The following OPCML variants were observed in gnomAD, a reference collection of about 807,000 sequenced individuals.
The protein encoded by OPCML is opioid binding protein/cell adhesion molecule like.
In OPCML, 13 loss-of-function variants were observed where a neutral mutation model predicts 37.8. The observed-to-expected ratio is 0.34, with a 90% CI of 0.22 to 0.55. OPCML has a LOEUF of 0.55. Ranked by LOEUF, OPCML falls within the 20% of genes least tolerant of loss-of-function variation. The pLI, the probability that OPCML is intolerant of heterozygous loss-of-function variation, is 0.91. For missense variants in OPCML, 341 were observed against 435.6 expected (o/e 0.78, Z 1.93); for synonymous variants, 176 against 168.8 (o/e 1.04, Z -0.33).
At chr11:133,443,512 G>T (rs1001284671) in intron 1 of OPCML, among the ~76,000 whole-genome samples, 10 of 152,162 alleles carry the variant, frequency 6.6e-5, no homozygotes, top group Admixed American at 5.2e-4. Context: ...TGAAACATGC[G>T]CAGCATTGCT....
intron 2 of OPCML, among the ~76,000 whole-genome samples, chr11:132,872,785 C>T (rs1167680772): frequency 1.3e-5 from 2 of 152,078 alleles, no homozygotes; most frequent in African/African-American, 2.4e-5. Flanking sequence ...AGAGGGCTCC[C>T]CATTCCTGAT....
At chr11:133,162,009 T>TTTTTTTTTTTTTA (rs1950149107) in intron 1 of OPCML, among the ~76,000 whole-genome samples, 1 of 148,836 alleles carries the variant, frequency 6.7e-6, no homozygotes, top group Non-Finnish European at 1.5e-5. Flanking sequence ...TTTTTTTTTT[T>TTTTTTTTTTTTTA]TGTATAAAAT....
intron 7 of OPCML, among the ~76,000 whole-genome samples, chr11:132,421,941 AGTTT>A (rs1422076363): frequency 1.3e-4 from 20 of 152,274 alleles, no homozygotes; most frequent in African/African-American, 4.8e-4. Context: ...TTTTTAAATA[AGTTT>A]ATTTACATTT....
intron 2 of OPCML, among the ~76,000 whole-genome samples, chr11:132,723,450 T>C (rs1944752577): frequency 1.3e-5 from 2 of 152,250 alleles, no homozygotes; most frequent in African/African-American, 4.8e-5. Flanking sequence ...AACCCCACAA[T>C]ATATACCTGC....
chr11:133,180,465 A>C (rs1937770619), intron 1 of OPCML, among the ~76,000 whole-genome samples: 1 of 152,182 alleles, frequency 6.6e-6, no homozygotes, highest in African/African-American at 2.4e-5. Flanking sequence ...ATATGGTTCA[A>C]ATCATAGCAA....
chr11:132,740,001 C>A (rs1472900053), intron 2 of OPCML, among the ~76,000 whole-genome samples: 1 of 152,076 alleles, frequency 6.6e-6, no homozygotes, highest in East Asian at 1.9e-4. Context: ...TCTGTTTCCC[C>A]CACCCTGTGC....
chr11:133,494,820 A>G (rs549095310), intron 1 of OPCML, among the ~76,000 whole-genome samples: 4,815 of 149,126 alleles, frequency 0.032, 114 homozygotes, highest in South Asian at 0.078. Flanking sequence ...ATGTATACAT[A>G]TGTAACTAAC....
intron 2 of OPCML, among the ~76,000 whole-genome samples, chr11:132,724,317 A>C (rs570874166): frequency 3.3e-4 from 50 of 152,316 alleles, no homozygotes; most frequent in African/African-American, 1.2e-3. Flanking sequence ...GTATAATGGA[A>C]ATGAGACAAA....
At chr11:132,789,177 A>G (rs1937728125) in intron 2 of OPCML, among the ~76,000 whole-genome samples, 1 of 152,170 alleles carries the variant, frequency 6.6e-6, no homozygotes, top group Non-Finnish European at 1.5e-5. Context: ...CATGTTTATT[A>G]TACGTTGACT....
intron 1 of OPCML, among the ~76,000 whole-genome samples, chr11:133,463,794 A>C (rs1178667525): frequency 6.6e-6 from 1 of 152,214 alleles, no homozygotes; most frequent in South Asian, 2.1e-4. Flanking sequence ...TTAAAAAATT[A>C]AATGATCAAA....
At chr11:133,149,427 C>T (rs915287124) in intron 1 of OPCML, among the ~76,000 whole-genome samples, 2 of 152,092 alleles carry the variant, frequency 1.3e-5, no homozygotes, top group African/African-American at 4.8e-5. Flanking sequence ...AAGGAGAGGC[C>T]CCAGGCAACT....
intron 1 of OPCML, among the ~76,000 whole-genome samples, chr11:133,128,483 G>A (rs1371841551): frequency 3.3e-5 from 5 of 152,166 alleles, no homozygotes; most frequent in Non-Finnish European, 5.9e-5. Context: ...CACTCCCTGA[G>A]CCAAGTTCTC....
chr11:132,452,497 A>ACTTCCTTCCTTCCTTCCTTCCTTCCTTC (rs575180796), intron 4 of OPCML, among the ~76,000 whole-genome samples: 5 of 96,730 alleles, frequency 5.2e-5, no homozygotes, highest in African/African-American at 1.7e-4. Flanking sequence ...TCCCTTCCTC[A>ACTTCCTTCCTTCCTTCCTTCCTTCCTTC]CTTCCTTCCT....
rs377335763 is a variant in OPCML at position 132,882,225 on chromosome 11, G to A, written c.146+60701C>T. ...TTTAAAATGCCAACTTGATCCAAGT[G>A]TAAACAAAAAATGAACCTCGTGGAT... On this transcript the variant is annotated intron_variant, in intron 2 of 7. Transcript: ENST00000524381. Among the ~76,000 whole-genome samples the A allele has an allele frequency of 5.9e-5, 9 of 152,284 alleles. No homozygotes were observed. In the South Asian group the frequency reaches 1.0e-3, roughly 18 times the overall value.
chr11:133,232,341 C>G (rs1940316566), intron 1 of OPCML, among the ~76,000 whole-genome samples: 1 of 152,214 alleles, frequency 6.6e-6, no homozygotes, highest in African/African-American at 2.4e-5. Flanking sequence ...TCCTGAATTA[C>G]TCTGAGTTTC....
intron 3 of OPCML, among the ~76,000 whole-genome samples, chr11:132,642,148 G>A (rs1940886507): frequency 6.6e-6 from 1 of 152,140 alleles, no homozygotes; most frequent in African/African-American, 2.4e-5. Context: ...CTATTTCCTG[G>A]CATAAGTAAT....
At chr11:133,317,091 A>G (rs1045257612) in intron 1 of OPCML, among the ~76,000 whole-genome samples, 2 of 152,154 alleles carry the variant, frequency 1.3e-5, no homozygotes, top group African/African-American at 2.4e-5. Flanking sequence ...CCAGCTACTC[A>G]AGAGGCTGAG....
intron 1 of OPCML, among the ~76,000 whole-genome samples, chr11:133,059,196 C>A (rs952270628): frequency 6.6e-6 from 1 of 152,176 alleles, no homozygotes; most frequent in Non-Finnish European, 1.5e-5. Context: ...GTATTGCCAC[C>A]TTGACATTTC....
chr11:132,809,934 C>T (rs2136223107), intron 2 of OPCML, among the ~76,000 whole-genome samples: 1 of 152,282 alleles, frequency 6.6e-6, no homozygotes, highest in South Asian at 2.1e-4. Context: ...ACTGCAGGCT[C>T]CGCCTCCCGG....
Sources: gnomAD v4.1 joint callset for allele counts (sites outside exome capture counted in the v4.1 genomes callset) on GRCh38, gnomAD v4.1.1 for gene constraint, MANE v1.5 for transcripts, NCBI Gene and HGNC (gene_info 2026-07-23, HGNC 2026-07-21) for gene names.